The following FOXO3 variants were observed in gnomAD, a reference collection of about 807,000 sequenced individuals.
The protein encoded by FOXO3 is forkhead box O3.
Under a neutral mutation model 41.9 loss-of-function variants are expected in FOXO3, and 4 were observed. That is an observed-to-expected ratio of 0.10 (90% CI 0.05 to 0.22). The LOEUF is 0.22. FOXO3 is among the 10% of genes least tolerant of loss of function. The pLI is 1.00. For missense variants in FOXO3, 534 were observed against 906.8 expected (o/e 0.59, Z 5.28); for synonymous variants, 318 against 389.3 (o/e 0.82, Z 2.16).
At chr6:108,575,114 C>T (rs889817323) in intron 1 of FOXO3, among the ~76,000 whole-genome samples, 13 of 152,142 alleles carry the variant, frequency 8.5e-5, no homozygotes, top group African/African-American at 3.1e-4. Context: ...GAGCTTGTCT[C>T]CTTGAAAACT....
intron 1 of FOXO3, among the ~76,000 whole-genome samples, chr6:108,637,378 GA>G (rs1440055788): frequency 1.3e-5 from 2 of 152,138 alleles, no homozygotes; most frequent in African/African-American, 4.8e-5. Flanking sequence ...CTTTGTCCCA[GA>G]GTCCTGCTTA....
chr6:108,684,261 C>T lies in FOXO3; in HGVS notation c.*4469C>T, dbSNP rs1365488964. On this transcript the variant is annotated 3_prime_UTR_variant, in exon 3 of 3. Transcript: ENST00000406360. ...AAATGTAAACAAATGTGAAGGAGGA[C>T]CAGAAAAATTAGTTAATATTTAAAA... is the stretch of plus-strand genomic sequence containing the variant. The T allele has an allele frequency of 1.3e-5, 2 of 152,088 alleles. No homozygotes were observed. Among genetic ancestry groups the T allele is most frequent in the African/African-American group, 4.9e-5 (2 of 41,216 alleles). 9.4% of individuals were successfully genotyped at this position (152,088 alleles called of 1,614,324 possible).
chr6:108,672,016 G>A (rs1779228521), intron 2 of FOXO3, among the ~76,000 whole-genome samples: 1 of 152,206 alleles, frequency 6.6e-6, no homozygotes. Flanking sequence ...GTGTCCACAG[G>A]GGCTAGCAGC....
In FOXO3 at chr6:108,684,057, T is replaced by TAAA. The variant is rs1770972835; in HGVS notation, c.*4265_*4266insAAA. On this transcript the variant is annotated 3_prime_UTR_variant, in exon 3 of 3. Transcript: ENST00000406360. ...AATATTTTCCTCTTGTTTAGTTGTA[T>TAAA]CTGTTTGTATTTTTCTTTGATGAAT... The TAAA allele has an allele frequency of 6.6e-6, 1 of 152,638 alleles. No individual in the cohort carries two copies. Among genetic ancestry groups the TAAA allele is most frequent in the African/African-American group, 2.4e-5 (1 of 41,458 alleles). 9.5% of individuals were successfully genotyped at this position (152,638 alleles called of 1,614,324 possible).
intron 1 of FOXO3, among the ~76,000 whole-genome samples, chr6:108,640,323 C>T (rs79505422): frequency 0.044 from 6,761 of 152,286 alleles, 439 homozygotes; most frequent in African/African-American, 0.14. Flanking sequence ...ACAGTACATA[C>T]AGGCTGAATT....
At chr6:108,610,784 T>G (rs1212312501) in intron 1 of FOXO3, among the ~76,000 whole-genome samples, 2 of 152,236 alleles carry the variant, frequency 1.3e-5, no homozygotes, top group Admixed American at 6.5e-5. Context: ...TTGGATAATT[T>G]TACAGTGACA....
chr6:108,636,886 T>G (rs1169970896), intron 1 of FOXO3, among the ~76,000 whole-genome samples: 1 of 152,196 alleles, frequency 6.6e-6, no homozygotes, highest in African/African-American at 2.4e-5. Flanking sequence ...CCTGGGCAGC[T>G]CTGCAACATC....
rs937635902 is a variant in FOXO3 at position 108,621,097 on chromosome 6, G to T, written c.622-42358G>T. ...AAATCTATGTTCCTGTGAAATTGGG[G>T]TTTATGAAATAAGATTGGAAAAAAA... On this transcript the variant is annotated intron_variant, in intron 1 of 2. Transcript: ENST00000406360. 3.3e-5 allele frequency among the ~76,000 whole-genome samples: 5 copies of T among 152,160 alleles called. No individual in the cohort carries two copies. In the East Asian group the frequency reaches 9.6e-4, roughly 29 times the overall value.
At chr6:108,673,041 G>C (rs116175188) in intron 2 of FOXO3, among the ~76,000 whole-genome samples, 5 of 152,252 alleles carry the variant, frequency 3.3e-5, no homozygotes, top group African/African-American at 1.2e-4. Context: ...GCTTTCATTG[G>C]TCATTTGTAT....
At chr6:108,661,877 CT>C (rs1394769126) in intron 1 of FOXO3, among the ~76,000 whole-genome samples, 1 of 152,198 alleles carries the variant, frequency 6.6e-6, no homozygotes, top group Admixed American at 6.5e-5. Context: ...TTTTAGGATA[CT>C]TTTAAATTTA....
At chr6:108,625,540 A>G (rs931987664) in intron 1 of FOXO3, among the ~76,000 whole-genome samples, 6 of 152,232 alleles carry the variant, frequency 3.9e-5, no homozygotes, top group African/African-American at 1.4e-4. Flanking sequence ...AACTTTTAAA[A>G]GATTTGATGG....
intron 1 of FOXO3, among the ~76,000 whole-genome samples, chr6:108,641,109 C>T (rs548136559): frequency 5.3e-5 from 8 of 152,120 alleles, no homozygotes; most frequent in Admixed American, 5.2e-4. Flanking sequence ...AGGGTTTCAC[C>T]ATGTTGGCCA....
Position 108,574,193 on chromosome 6 carries a change from G to A in FOXO3, c.621+12364G>A, listed in dbSNP as rs551581878. ...AAAAAGAAGAATTAGCGCGTACCTG[G>A]GTCTTTAATGGGAGAGTAGGAATGG... On this transcript the variant is annotated intron_variant, in intron 1 of 2. Transcript: ENST00000406360. 2.6e-5 allele frequency among the ~76,000 whole-genome samples: 4 copies of A among 152,008 alleles called. No individual in the cohort carries two copies. In the South Asian group the frequency reaches 8.3e-4, roughly 32 times the overall value.
At chr6:108,671,989 A>G (rs1779227854) in intron 2 of FOXO3, among the ~76,000 whole-genome samples, 1 of 152,242 alleles carries the variant, frequency 6.6e-6, no homozygotes, top group African/African-American at 2.4e-5. Flanking sequence ...AGCTCTGCTT[A>G]GCATGGGTAC....
Position 108,683,998 on chromosome 6 carries a change from A to G in FOXO3, c.*4206A>G, listed in dbSNP as rs1365156419. The G allele has an allele frequency of 6.6e-6, 1 of 152,592 alleles. No individual in the cohort carries two copies. The highest frequency in any genetic ancestry group is 1.5e-5 in the Non-Finnish European group (1 of 68,024). 9.5% of individuals were successfully genotyped at this position (152,592 alleles called of 1,614,324 possible). ...AAGAGTATATTTTATCTAAATCTTAAGTGGGTAACATTTTATGCAGTTTAA... is the reference window on the plus strand; with the variant it reads ...AAGAGTATATTTTATCTAAATCTTAGGTGGGTAACATTTTATGCAGTTTAA... On this transcript the variant is annotated 3_prime_UTR_variant, in exon 3 of 3. Transcript: ENST00000406360.
chr6:108,599,596 G>A (rs1392585591), intron 1 of FOXO3, among the ~76,000 whole-genome samples: 2 of 152,080 alleles, frequency 1.3e-5, no homozygotes, highest in Admixed American at 1.3e-4. Context: ...AGGCTTTCCC[G>A]GGCTCAGTGT....
chr6:108,641,651 C>T (rs919217330), intron 1 of FOXO3, among the ~76,000 whole-genome samples: 1 of 151,960 alleles, frequency 6.6e-6, no homozygotes, highest in Non-Finnish European at 1.5e-5. Context: ...TCTTTGCGTT[C>T]CCCTGGTGGT....
intron 2 of FOXO3, among the ~76,000 whole-genome samples, chr6:108,668,998 G>T (rs1296926153): frequency 6.6e-6 from 1 of 152,154 alleles, no homozygotes; most frequent in Non-Finnish European, 1.5e-5. Context: ...TGTAGTCCCA[G>T]CTACTCGGAG....
intron 1 of FOXO3, among the ~76,000 whole-genome samples, chr6:108,619,837 C>T (rs1777617569): frequency 6.6e-6 from 1 of 152,134 alleles, no homozygotes; most frequent in South Asian, 2.1e-4. Flanking sequence ...GATTAATGGT[C>T]CTTAAGAGTT....
Sources: allele counts gnomAD v4.1 joint callset (sites outside exome capture counted in the v4.1 genomes callset), GRCh38; gene constraint gnomAD v4.1.1; transcripts MANE v1.5; gene names NCBI Gene and HGNC (gene_info 2026-07-23, HGNC 2026-07-21).